The following FBXW8 variants were observed in gnomAD, a reference collection of about 807,000 sequenced individuals.
The protein encoded by FBXW8 is F-box and WD repeat domain containing 8.
In FBXW8, 57 loss-of-function variants were observed where a neutral mutation model predicts 65.3. The ratio of observed to expected loss-of-function variants is 0.87; its 90% CI spans 0.71 to 1.09. The LOEUF is 1.09. Among genes scored for constraint, FBXW8 ranks in the 50% least tolerant of loss-of-function variants. FBXW8 has a pLI of 0.00. For synonymous variants in FBXW8, 308 were observed against 330.2 expected (o/e 0.93, Z 0.73); for missense variants, 777 against 814.8 (o/e 0.95, Z 0.57).
chr12:116,990,052 T>C (rs80085437), intron 7 of FBXW8, among the ~76,000 whole-genome samples: 4,109 of 152,336 alleles, frequency 0.027, 182 homozygotes, highest in African/African-American at 0.088. Context: ...ACTTCCTCCA[T>C]GTATTTGACC....
chr12:116,992,947 G>C, intron 7 of FBXW8, among the ~76,000 whole-genome samples: 1 of 151,884 alleles, frequency 6.6e-6, no homozygotes. Flanking sequence ...TCCAGTAGTG[G>C]GATTGCTGGA....
chr12:117,016,165 A>G (rs77536122), intron 8 of FBXW8, among the ~76,000 whole-genome samples: 4,100 of 152,286 alleles, frequency 0.027, 179 homozygotes, highest in African/African-American at 0.087. Context: ...TTTTCAGTTC[A>G]GTTGGGGAAA....
chr12:116,935,256 A>G (rs916793647), intron 2 of FBXW8, among the ~76,000 whole-genome samples: 1 of 152,220 alleles, frequency 6.6e-6, no homozygotes, highest in Non-Finnish European at 1.5e-5. Context: ...TTCTAGAACC[A>G]AAGACCAGCA....
At chr12:116,995,814 T>A (rs997721543) in intron 7 of FBXW8, among the ~76,000 whole-genome samples, 8 of 152,208 alleles carry the variant, frequency 5.3e-5, no homozygotes, top group African/African-American at 1.9e-4. Context: ...TGTCATGCTG[T>A]GGTGCAAAAG....
At chr12:116,941,639 A>G (rs990945407) in intron 2 of FBXW8, among the ~76,000 whole-genome samples, 1 of 152,214 alleles carries the variant, frequency 6.6e-6, no homozygotes, top group Admixed American at 6.5e-5. Flanking sequence ...TGAGATAGAA[A>G]GTCAGATTTT....
Position 117,024,102 on chromosome 12 carries a change from A to C in FBXW8, c.1368-45A>C, listed in dbSNP as rs770524323. 7 of 1,591,036 alleles carry C rather than the reference A, an allele frequency of 4.4e-6. No homozygotes were observed. The East Asian group carries it at 1.6e-4, about 36-fold the overall frequency. On this transcript the variant is annotated intron_variant, in intron 8 of 10. Transcript: ENST00000652555. ...GGGGAGTTTGTCATTTGAAGCTTTG[A>C]CTCTAACCCCATTTCCCTTCTCTGC...
intron 5 of FBXW8, among the ~76,000 whole-genome samples, chr12:116,981,653 A>T (rs1399426505): frequency 6.6e-6 from 1 of 151,362 alleles, no homozygotes; most frequent in South Asian, 2.1e-4. Flanking sequence ...TCACTCCGTC[A>T]CCCAGGCTGG....
In FBXW8 at chr12:116,910,997, G is replaced by T; in HGVS notation, c.-41G>T. The T allele has an allele frequency of 1.5e-6, 2 of 1,360,948 alleles. No individual in the cohort carries two copies. The highest frequency in any genetic ancestry group is 1.8e-5 in the South Asian group (1 of 56,114). The allele number at this position is 1,360,948 out of a possible 1,614,324, so 84.3% of individuals were successfully genotyped here. On this transcript the variant is annotated 5_prime_UTR_variant, in exon 1 of 11. Coordinates refer to ENST00000652555, the MANE Select transcript of FBXW8 (RefSeq NM_153348.3). ...TGGGCGGGACTGTCTCGTGGCACCC[G>T]GTGGAACCGAGGAGAACGTGGAGCG...
intron 3 of FBXW8, among the ~76,000 whole-genome samples, chr12:116,948,256 T>C (rs1331295213): frequency 6.6e-6 from 1 of 152,228 alleles, no homozygotes; most frequent in Non-Finnish European, 1.5e-5. Flanking sequence ...TATTTTTCTT[T>C]CAATACTTTT....
intron 8 of FBXW8, among the ~76,000 whole-genome samples, chr12:117,018,290 A>C (rs542876071): frequency 9.2e-5 from 14 of 152,284 alleles, no homozygotes; most frequent in African/African-American, 3.4e-4. Context: ...CAGACCAATT[A>C]TTTTTCCTTT....
intron 5 of FBXW8, among the ~76,000 whole-genome samples, chr12:116,965,976 T>C (rs970587385): frequency 6.6e-6 from 1 of 150,674 alleles, no homozygotes; most frequent in Non-Finnish European, 1.5e-5. Context: ...TTGTCCAGAC[T>C]GGTCTTGAAC....
chr12:116,992,761 G>GGGGTGTGTGTGT (rs1555223673), intron 7 of FBXW8, among the ~76,000 whole-genome samples: 2 of 143,550 alleles, frequency 1.4e-5, no homozygotes, highest in Non-Finnish European at 3.0e-5. Context: ...ATTATTCCAT[G>GGGGTGTGTGTGT]GTGTGTGTGT....
intron 7 of FBXW8, among the ~76,000 whole-genome samples, chr12:117,006,300 T>C (rs901343261): frequency 6.6e-6 from 1 of 152,202 alleles, no homozygotes; most frequent in Non-Finnish European, 1.5e-5. Context: ...ATGCAAGTGG[T>C]TCATGATTAA....
intron 1 of FBXW8, among the ~76,000 whole-genome samples, chr12:116,918,580 A>G (rs80243171): frequency 1.3e-5 from 2 of 152,230 alleles, no homozygotes; most frequent in Admixed American, 6.5e-5. Flanking sequence ...CTAGTCTTCT[A>G]TCTGCTTAGC....
chr12:117,028,390 T>TCAAACATAGCCTCCTTCCC lies in FBXW8; in HGVS notation c.*221_*239dup. 1 of 600,236 alleles carries TCAAACATAGCCTCCTTCCC rather than the reference T, an allele frequency of 1.7e-6. No homozygotes were observed. The highest frequency in any genetic ancestry group is 2.9e-6 in the Non-Finnish European group (1 of 345,702). 37.2% of individuals were successfully genotyped at this position (600,236 alleles called of 1,614,324 possible). The stretch of plus-strand genomic sequence containing the variant: ...GGCTCGAGTCCCACGTGCTGCCAAC[T>TCAAACATAGCCTCCTTCCC]CAAACATAGCCTCCTTCCCCACCCA... On this transcript the variant is annotated 3_prime_UTR_variant, in exon 11 of 11. Transcript: ENST00000652555. This position sits in a 1 kb window ranked among gnomAD's most constrained non-coding sequence, Gnocchi z 4.1.
intron 4 of FBXW8, among the ~76,000 whole-genome samples, chr12:116,957,577 T>G (rs1883730096): frequency 6.6e-6 from 1 of 152,210 alleles, no homozygotes; most frequent in Non-Finnish European, 1.5e-5. Context: ...AACAGATGCT[T>G]TGTAAATAAC....
chr12:116,974,928 C>T (rs1004932491), intron 5 of FBXW8, among the ~76,000 whole-genome samples: 2 of 152,074 alleles, frequency 1.3e-5, no homozygotes, highest in Admixed American at 1.3e-4. Context: ...GAAGGTAGGG[C>T]ATCTATAGGA....
intron 4 of FBXW8, among the ~76,000 whole-genome samples, chr12:116,958,664 A>G (rs550724560): frequency 6.6e-6 from 1 of 152,320 alleles, no homozygotes; most frequent in South Asian, 2.1e-4. Flanking sequence ...GTGCCATAAC[A>G]TGCTAGGGAG....
intron 2 of FBXW8, among the ~76,000 whole-genome samples, chr12:116,938,860 C>T (rs1162642641): frequency 2.0e-5 from 3 of 152,178 alleles, no homozygotes; most frequent in African/African-American, 4.8e-5. Context: ...CTGGGTGTAA[C>T]GGCAGGGACC....
Sources: gnomAD v4.1 joint callset for allele counts (sites outside exome capture counted in the v4.1 genomes callset) on GRCh38, gnomAD v4.1.1 for gene constraint, Gnocchi (gnomAD v3.1) non-coding constraint, MANE v1.5 for transcripts, NCBI Gene and HGNC (gene_info 2026-07-23, HGNC 2026-07-21) for gene names.